ARHGEF28: variants seen among roughly 807,000 people sequenced by gnomAD.
ARHGEF28 encodes the protein Rho guanine nucleotide exchange factor 28.
Under a neutral mutation model 206.6 loss-of-function variants are expected in ARHGEF28, and 152 were observed. That is an observed-to-expected ratio of 0.74 (90% CI 0.64 to 0.84). The LOEUF (loss-of-function observed/expected upper bound fraction) is 0.84. ARHGEF28 is among the 40% of genes least tolerant of loss of function. The probability of loss-of-function intolerance (pLI) is 0.00; values close to 1 mark genes in which losing one functional copy is unlikely to be tolerated. For synonymous variants in ARHGEF28, 763 were observed against 776.4 expected (o/e 0.98, Z 0.29); for missense variants, 2,028 against 2,073.2 (o/e 0.98, Z 0.42).
chr5:73,837,306 C>T (rs1027817168), intron 10 of ARHGEF28, among the ~76,000 whole-genome samples: 2 of 152,072 alleles, frequency 1.3e-5, no homozygotes, highest in Non-Finnish European at 2.9e-5. Flanking sequence ...CACAGGATAT[C>T]TTTCATATGA....
chr5:73,909,846 G>A lies in ARHGEF28; in HGVS notation c.4596G>A (p.Lys1532=). 1 of 1,539,864 alleles carries A rather than the reference G, an allele frequency of 6.5e-7. No homozygotes were observed. The highest frequency in any genetic ancestry group is 1.2e-5 in the South Asian group (1 of 80,402). The change falls in exon 34 of 36, where the codon AAG becomes AAA. Residue 1532 remains lysine (K), a synonymous_variant. Transcript: ENST00000513042. ...RAQQSLLGHW[K]HGRQRSLPAV... is the part of the protein sequence containing the mutation. Reference sequence around the variant, plus strand: ...AGCAGAGCCTGCTGGGCCACTGGAAGCACGGCCGGCAGAGGAGCCTGCCCG... The same window carrying A: ...AGCAGAGCCTGCTGGGCCACTGGAAACACGGCCGGCAGAGGAGCCTGCCCG...
intron 12 of ARHGEF28, among the ~76,000 whole-genome samples, chr5:73,847,243 T>G (rs1442768660): frequency 6.6e-6 from 1 of 152,220 alleles, no homozygotes; most frequent in East Asian, 1.9e-4. Context: ...ACCTTCTTTT[T>G]GTAGCATGCC....
chr5:73,750,083 C>A, intron 3 of ARHGEF28, 99 bp downstream of exon 3: 1 of 1,451,336 alleles, frequency 6.9e-7, no homozygotes, highest in Non-Finnish European at 9.3e-7. Context: ...AAAAAGAAAA[C>A]AGTGCTGCAA....
rs114386366 is a variant in ARHGEF28 at position 73,646,104 on chromosome 5, T to A, written c.-12+19782T>A. On this transcript the variant is annotated intron_variant, in intron 1 of 35. Transcript: ENST00000513042. ...GCTCCCCCTCCTGCCTTCCCTGCCC[T>A]GGATGTTGGCACTCTCTTCTAAGCC... Among the ~76,000 whole-genome samples the A allele has an allele frequency of 4.0e-3, 609 of 152,288 alleles. 2 individuals are homozygous for A. Among genetic ancestry groups the A allele is most frequent in the African/African-American group, 0.014 (576 of 41,566 alleles).
intron 34 of ARHGEF28, 93 bp downstream of exon 34, chr5:73,909,990 GGATTTGTGTAAGAA>G: frequency 7.1e-7 from 1 of 1,407,228 alleles, no homozygotes; most frequent in Non-Finnish European, 9.2e-7. Flanking sequence ...CTGTCATTTT[GGATTTGTGTAAGAA>G]GACCTCATGA....
chr5:73,927,390 C>T (rs932039199), intron 35 of ARHGEF28, among the ~76,000 whole-genome samples: 24 of 152,012 alleles, frequency 1.6e-4, no homozygotes, highest in African/African-American at 5.8e-4. Flanking sequence ...TCTTTAGGAT[C>T]CAGTGCTAGT....
At chr5:73,822,291 G>A (rs1447068645) in intron 9 of ARHGEF28, among the ~76,000 whole-genome samples, 3 of 152,164 alleles carry the variant, frequency 2.0e-5, no homozygotes, top group East Asian at 3.9e-4. Context: ...TCCTTCCAGG[G>A]ACCACTTTTC....
At chr5:73,908,876 C>T (rs886784378) in intron 33 of ARHGEF28, 2 of 152,228 alleles carry the variant, frequency 1.3e-5, no homozygotes, top group Non-Finnish European at 1.5e-5. Context: ...GTTATAAAAA[C>T]ATTATTTACC....
At chr5:73,877,464 C>T (rs1436858478) in intron 22 of ARHGEF28, among the ~76,000 whole-genome samples, 3 of 142,620 alleles carry the variant, frequency 2.1e-5, no homozygotes, top group Non-Finnish European at 4.6e-5. Flanking sequence ...CTTCTGCTAG[C>T]TTTTGAATGT....
intron 10 of ARHGEF28, among the ~76,000 whole-genome samples, chr5:73,837,745 G>GT (rs565925682): frequency 0.026 from 3,387 of 132,518 alleles, 40 homozygotes; most frequent in African/African-American, 0.03. Context: ...CTTTCGTTTT[G>GT]TTTTTTTTTT....
At chr5:73,758,337 C>A (rs1236564669) in intron 4 of ARHGEF28, among the ~76,000 whole-genome samples, 3 of 152,156 alleles carry the variant, frequency 2.0e-5, no homozygotes, top group Non-Finnish European at 4.4e-5. Flanking sequence ...TTTACACTTA[C>A]AAACTAATAT....
intron 1 of ARHGEF28, among the ~76,000 whole-genome samples, chr5:73,676,259 G>A (rs1746681777): frequency 6.9e-6 from 1 of 144,576 alleles, no homozygotes; most frequent in Non-Finnish European, 1.5e-5. Flanking sequence ...TTTTTAGGCA[G>A]AGTTTTGCTC....
At chr5:73,685,452 G>C (rs931655886) in intron 2 of ARHGEF28, among the ~76,000 whole-genome samples, 2 of 152,058 alleles carry the variant, frequency 1.3e-5, no homozygotes, top group African/African-American at 4.8e-5. Context: ...GAAAATGGCA[G>C]ATGGCCTCAT....
At chr5:73,675,475 G>T (rs1746596880) in intron 1 of ARHGEF28, among the ~76,000 whole-genome samples, 1 of 152,122 alleles carries the variant, frequency 6.6e-6, no homozygotes, top group Admixed American at 6.5e-5. Context: ...GCTCACGCCT[G>T]TAATCCCAGC....
intron 9 of ARHGEF28, among the ~76,000 whole-genome samples, chr5:73,804,549 T>A (rs1755329941): frequency 6.6e-6 from 1 of 152,220 alleles, no homozygotes; most frequent in African/African-American, 2.4e-5. Flanking sequence ...AATTTATCTT[T>A]TAAGAACAGT....
intron 35 of ARHGEF28, among the ~76,000 whole-genome samples, chr5:73,927,908 C>T (rs550036947): frequency 6.6e-5 from 10 of 152,228 alleles, no homozygotes; most frequent in East Asian, 5.8e-4. Context: ...TAATCATTTA[C>T]GAGTGACAAA....
intron 7 of ARHGEF28, among the ~76,000 whole-genome samples, chr5:73,792,734 C>T (rs890946250): frequency 6.7e-6 from 1 of 149,908 alleles, no homozygotes; most frequent in African/African-American, 2.5e-5. Context: ...AAAACCAAAC[C>T]AAATCCCTAC....
chr5:73,706,417 G>A (rs1214959983), intron 2 of ARHGEF28, among the ~76,000 whole-genome samples: 1 of 151,890 alleles, frequency 6.6e-6, no homozygotes, highest in East Asian at 1.9e-4. Context: ...ATTTCTCTGT[G>A]TTAAATATCC....
At chr5:73,645,763 T>C (rs1386329333) in intron 1 of ARHGEF28, among the ~76,000 whole-genome samples, 1 of 152,166 alleles carries the variant, frequency 6.6e-6, no homozygotes, top group Admixed American at 6.5e-5. Context: ...GTCTTGTGCA[T>C]TTCTATTTTC....
Sources: allele counts gnomAD v4.1 joint callset (sites outside exome capture counted in the v4.1 genomes callset), GRCh38; gene constraint gnomAD v4.1.1; transcripts MANE v1.5; gene names NCBI Gene and HGNC (gene_info 2026-07-23, HGNC 2026-07-21).